The following SYNCRIP variants were observed in gnomAD, a reference collection of about 807,000 sequenced individuals.
SYNCRIP encodes the protein heterogeneous nuclear ribonucleoprotein Q.
Under a neutral mutation model 68.9 loss-of-function variants are expected in SYNCRIP, and 9 were observed. The ratio of observed to expected loss-of-function variants is 0.13; its 90% CI spans 0.08 to 0.23. The LOEUF is 0.23. Among genes scored for constraint, SYNCRIP ranks in the 10% least tolerant of loss-of-function variants. The pLI is 1.00. For synonymous variants in SYNCRIP, 258 were observed against 254.0 expected, an observed-to-expected ratio of 1.02 and a Z score of -0.15; for missense variants, 414 against 770.6, an observed-to-expected ratio of 0.54 and a Z score of 5.48.
At chr6:85,627,541 C>A (rs1392225136) in intron 6 of SYNCRIP, among the ~76,000 whole-genome samples, 10 of 151,860 alleles carry the variant, frequency 6.6e-5, no homozygotes, top group African/African-American at 2.4e-4. Flanking sequence ...CAAAAAAACA[C>A]TTATCCCAGC....
At chr6:85,631,012 G>A (rs776313272) in intron 6 of SYNCRIP, among the ~76,000 whole-genome samples, 1 of 152,112 alleles carries the variant, frequency 6.6e-6, no homozygotes, top group South Asian at 2.1e-4. Context: ...CAACCCCTAC[G>A]AAAGCAGAAC....
At position 85,619,436 on chromosome 6, in the gene SYNCRIP, C is replaced by A. The variant is rs759588211; in HGVS notation, c.1009-19G>T. 1 of 1,601,830 alleles carries A rather than the reference C, an allele frequency of 6.2e-7. No homozygotes were observed. The highest frequency in any genetic ancestry group is 8.5e-7 in the Non-Finnish European group (1 of 1,176,476). ...CTTTTACCTAGGGGGAAGAAAATAC[C>A]CCCCTGTATTATTTCCAAAGAGTTC... On this transcript the variant is annotated intron_variant, in intron 8 of 10. Transcript: ENST00000369622.
intron 4 of SYNCRIP, 71 bp from the exon 5 acceptor site, chr6:85,637,427 C>CCA: frequency 1.0e-6 from 1 of 966,304 alleles, no homozygotes. Flanking sequence ...CAGTTAACAT[C>CCA]CATCTTGCTC....
chr6:85,635,720 A>T (rs1808356009), intron 6 of SYNCRIP, among the ~76,000 whole-genome samples: 1 of 146,414 alleles, frequency 6.8e-6, no homozygotes, highest in Admixed American at 7.0e-5. Flanking sequence ...CAGTGAGCCA[A>T]GATCGCACCA....
chr6:85,635,037 C>T (rs1468334566), intron 6 of SYNCRIP, among the ~76,000 whole-genome samples: 3 of 152,068 alleles, frequency 2.0e-5, no homozygotes, highest in Non-Finnish European at 2.9e-5. Flanking sequence ...TGGTGGTACG[C>T]GCCTATTATC....
chr6:85,609,936 T>A (rs923906382), downstream of SYNCRIP: 3 of 151,938 alleles, frequency 2.0e-5, no homozygotes, highest in African/African-American at 7.2e-5. Context: ...AAATCACAAA[T>A]AGCAATAACC....
intron 10 of SYNCRIP, among the ~76,000 whole-genome samples, chr6:85,617,247 G>A (rs546775992): frequency 6.6e-6 from 1 of 150,504 alleles, no homozygotes; most frequent in South Asian, 2.1e-4. Flanking sequence ...AAAGTAACAT[G>A]CAATCATCCC....
At chr6:85,634,108 A>G (rs1249348753) in intron 6 of SYNCRIP, among the ~76,000 whole-genome samples, 1 of 152,218 alleles carries the variant, frequency 6.6e-6, no homozygotes, top group Non-Finnish European at 1.5e-5. Context: ...AAGTTTCTCC[A>G]TTATATTTAA....
intron 6 of SYNCRIP, among the ~76,000 whole-genome samples, chr6:85,632,705 G>C (rs901952780): frequency 6.6e-6 from 1 of 152,184 alleles, no homozygotes; most frequent in Admixed American, 6.5e-5. Flanking sequence ...AATTTGGGAA[G>C]CCAAGGCAGT....
At chr6:85,639,996 C>T (rs983295371) in intron 4 of SYNCRIP, among the ~76,000 whole-genome samples, 2 of 151,954 alleles carry the variant, frequency 1.3e-5, no homozygotes, top group Non-Finnish European at 2.9e-5. Flanking sequence ...ACTAGGACTA[C>T]CAATAGAACA....
At chr6:85,633,590 C>CA (rs1259568713) in intron 6 of SYNCRIP, among the ~76,000 whole-genome samples, 10 of 152,012 alleles carry the variant, frequency 6.6e-5, no homozygotes, top group Non-Finnish European at 1.5e-4. Flanking sequence ...GACTCCGTTT[C>CA]AAAAAAACTT....
downstream of SYNCRIP, chr6:85,610,122 A>G (rs953794229): frequency 3.3e-5 from 5 of 151,916 alleles, no homozygotes; most frequent in East Asian, 1.9e-4. Context: ...CCTTGATCTG[A>G]TAAGACTTTG....
chr6:85,641,865 G>A (rs530913971), intron 1 of SYNCRIP, among the ~76,000 whole-genome samples: 1 of 152,094 alleles, frequency 6.6e-6, no homozygotes, highest in East Asian at 1.9e-4. Flanking sequence ...TTATAGATCG[G>A]TAACAACAGC....
In SYNCRIP at chr6:85,641,306, T is replaced by C. The variant is rs761659607; in HGVS notation, c.134A>G (p.Glu45Gly). 6.2e-7 allele frequency: 1 copy of C among 1,611,060 alleles called. No individual in the cohort carries two copies. The highest frequency in any genetic ancestry group is 1.1e-5 in the South Asian group (1 of 90,966). ...TTAGTTCTTACCTGCAACGTAAATT[T>C]CATCTAGTTTTTCAGCAACTTTCTG... ...LPQKVAEKLD[E>G]IYVAGLVAHS... Residue 45 changes from glutamate (E) to glycine (G), a missense_variant, in exon 2 of 11, where the codon GAA (glutamate) becomes GGA (glycine). Coordinates refer to ENST00000369622, the MANE Select transcript of SYNCRIP (RefSeq NM_006372.5).
In SYNCRIP at chr6:85,622,725, A is replaced by C. The variant is rs79943300; in HGVS notation, c.803-38T>G. On this transcript the variant is annotated intron_variant, in intron 7 of 10. Coordinates refer to ENST00000369622, the MANE Select transcript of SYNCRIP (RefSeq NM_006372.5). Reference sequence around the variant, plus strand: ...AACCATTCCAGGAAAATTAGATGAAATAACTAGCAAATACAAGTGGATCAA... The same window carrying C: ...AACCATTCCAGGAAAATTAGATGAACTAACTAGCAAATACAAGTGGATCAA... The C allele has an allele frequency of 1.6e-3, 2,370 of 1,510,342 alleles. 13 individuals carry two copies. Among genetic ancestry groups the C allele is most frequent in the African/African-American group, 0.013 (955 of 72,646 alleles). 93.6% of individuals were successfully genotyped at this position (1,510,342 alleles called of 1,614,324 possible).
chr6:85,636,895 G>C (rs1037694245), intron 6 of SYNCRIP, 72 bp downstream of exon 6: 1 of 1,422,344 alleles, frequency 7.0e-7, no homozygotes, highest in African/African-American at 1.4e-5. Flanking sequence ...AAACTCTTAG[G>C]CACACTAAGA....
At chr6:85,636,575 G>A (rs1328225171) in intron 6 of SYNCRIP, among the ~76,000 whole-genome samples, 1 of 152,116 alleles carries the variant, frequency 6.6e-6, no homozygotes, top group Non-Finnish European at 1.5e-5. Context: ...TCATCAACTA[G>A]AAATGTATCA....
At chr6:85,632,882 C>T (rs1466883896) in intron 6 of SYNCRIP, among the ~76,000 whole-genome samples, 2 of 152,068 alleles carry the variant, frequency 1.3e-5, no homozygotes, top group Non-Finnish European at 2.9e-5. Context: ...GGTTAGTGAG[C>T]ATTGATCATG....
At chr6:85,632,194 T>C (rs954339406) in intron 6 of SYNCRIP, among the ~76,000 whole-genome samples, 1 of 152,196 alleles carries the variant, frequency 6.6e-6, no homozygotes, top group Non-Finnish European at 1.5e-5. Flanking sequence ...TTCATTGCTG[T>C]ATCAGTATTA....
Sources: allele counts gnomAD v4.1 joint callset (sites outside exome capture counted in the v4.1 genomes callset), GRCh38; gene constraint gnomAD v4.1.1; transcripts MANE v1.5; gene names NCBI Gene and HGNC (gene_info 2026-07-23, HGNC 2026-07-21).